RASAL1: variants seen among roughly 807,000 people sequenced by gnomAD.
RASAL1 encodes RAS protein activator like 1.
RASAL1 carries 72 observed loss-of-function variants against 96.6 expected under a neutral mutation model. The ratio of observed to expected loss-of-function variants is 0.75; its 90% CI spans 0.62 to 0.91. The LOEUF (loss-of-function observed/expected upper bound fraction) is 0.91, where lower values mean the gene tolerates loss of function less well. RASAL1 is among the 40% of genes least tolerant of loss of function. The pLI is 0.00. For missense variants in RASAL1, 1,016 were observed against 1,072.5 expected (o/e 0.95, Z 0.74); for synonymous variants, 405 against 430.4 (o/e 0.94, Z 0.73).
At chr12:113,124,942 C>A (rs903137283) in intron 4 of RASAL1, among the ~76,000 whole-genome samples, 1 of 152,000 alleles carries the variant, frequency 6.6e-6, no homozygotes. Flanking sequence ...CCAAATAGAT[C>A]AAAGACTTAA....
chr12:113,109,719 AC>A (rs1402111022), intron 13 of RASAL1, among the ~76,000 whole-genome samples: 5 of 152,028 alleles, frequency 3.3e-5, no homozygotes, highest in African/African-American at 1.2e-4. Context: ...CTTGGCAGTG[AC>A]CCCTGTAGGA....
At chr12:113,103,788 A>T (rs1444845988) in intron 18 of RASAL1, 158 bp downstream of exon 18, 5 of 928,122 alleles carry the variant, frequency 5.4e-6, no homozygotes, top group Non-Finnish European at 6.7e-6. Context: ...TCCACGAGAT[A>T]GGCACTGTTA....
chr12:113,117,572 G>T (rs1198098874), intron 7 of RASAL1, among the ~76,000 whole-genome samples: 2 of 152,170 alleles, frequency 1.3e-5, no homozygotes, highest in Non-Finnish European at 2.9e-5. Flanking sequence ...ACTTTATAGA[G>T]ACGTAATTCA....
intron 14 of RASAL1, 56 bp from the exon 15 acceptor site, chr12:113,107,297 C>A: frequency 6.7e-7 from 1 of 1,496,420 alleles, no homozygotes. Flanking sequence ...GGGTAGGGCC[C>A]CTCCTGGCTC....
At chr12:113,103,890 AC>A in intron 18 of RASAL1, 55 bp downstream of exon 18, 13 of 1,539,978 alleles carry the variant, frequency 8.4e-6, no homozygotes, top group Non-Finnish European at 1.1e-5. Flanking sequence ...GAAGTGGGAC[AC>A]CCGCTGATTG....
chr12:113,107,936 T>G, intron 14 of RASAL1, 149 bp downstream of exon 14: 1 of 887,170 alleles, frequency 1.1e-6, no homozygotes, highest in Non-Finnish European at 1.6e-6. Context: ...CCTTCACCCT[T>G]GGGATGGAAT....
intron 7 of RASAL1, among the ~76,000 whole-genome samples, chr12:113,118,905 C>T (rs759657276): frequency 4.6e-5 from 7 of 152,254 alleles, no homozygotes; most frequent in East Asian, 3.9e-4. Flanking sequence ...AATCTGGGCC[C>T]GTCCTGTGAT....
chr12:113,121,172 A>G (rs1348831137), intron 5 of RASAL1, among the ~76,000 whole-genome samples: 1 of 152,214 alleles, frequency 6.6e-6, no homozygotes, highest in Non-Finnish European at 1.5e-5. Context: ...GCTACATGTC[A>G]GTCATATAAG....
In RASAL1 at chr12:113,115,306, T is replaced by C. The variant is rs1232948463; in HGVS notation, c.1004-42A>G. ...AAGTGTTTGCTGGGATTTAGGGAGC[T>C]GAACCCAGCTCACCCCACTCACCCA... On this transcript the variant is annotated intron_variant, in intron 10 of 20. Transcript: ENST00000548055. This position sits in a 1 kb window ranked among gnomAD's most constrained non-coding sequence, Gnocchi z 4.1. The C allele has an allele frequency of 6.4e-7, 1 of 1,556,116 alleles. No homozygotes were observed. The highest frequency in any genetic ancestry group is 8.9e-7 in the Non-Finnish European group (1 of 1,127,500).
chr12:113,116,305 G>A (rs911148227), intron 8 of RASAL1, among the ~76,000 whole-genome samples: 3 of 152,026 alleles, frequency 2.0e-5, no homozygotes, highest in Non-Finnish European at 2.9e-5. Context: ...GGCAGGCAGA[G>A]GTTAAGATTG....
In RASAL1 at chr12:113,135,381, GC is replaced by G. The variant is rs1484143962; in HGVS notation, c.65+16del. On this transcript the variant is annotated intron_variant, in intron 1 of 20. Coordinates refer to ENST00000548055, the MANE Select transcript of RASAL1 (RefSeq NM_001301202.2). This position sits in a 1 kb window ranked among gnomAD's most constrained non-coding sequence, Gnocchi z 5.7. Reference sequence around the variant, plus strand: ...CCTTGCGCGCCCCTCACCCAGAAGCGCCCGAGGAGTACTCACACGTCCTTGG... The same window carrying G: ...CCTTGCGCGCCCCTCACCCAGAAGCGCCGAGGAGTACTCACACGTCCTTGG... 1 of 1,602,772 alleles carries G rather than the reference GC, an allele frequency of 6.2e-7. No homozygotes were observed. The highest frequency in any genetic ancestry group is 2.3e-5 in the East Asian group (1 of 44,100).
In RASAL1 at chr12:113,107,185, CCA is replaced by C. The variant is rs1430631761; in HGVS notation, c.1567_1568del (p.Trp523AspfsTer29). ...GQQLGQGKEL[W>X]MAPLHPFLLQ... is the part of the protein sequence containing the mutation. ...GCAGGAAGGGGTGCAGGGGGGCCAT[CCA>C]CAGTTCCTTGCCTTGGCCCAGCTGC... is the stretch of plus-strand genomic sequence containing the variant. On this transcript the variant is annotated frameshift_variant, in exon 15 of 21. Coordinates refer to ENST00000548055, the MANE Select transcript of RASAL1 (RefSeq NM_001301202.2). LOFTEE classifies it high-confidence loss of function. 1.9e-6 allele frequency: 3 copies of C among 1,613,790 alleles called. No individual in the cohort carries two copies. Among genetic ancestry groups the C allele is most frequent in the Non-Finnish European group, 2.5e-6 (3 of 1,179,794 alleles).
In RASAL1 at chr12:113,130,931, T is replaced by C. The variant is rs754631754; in HGVS notation, c.76A>G (p.Ser26Gly). Residue 26 changes from serine (S) to glycine (G), a missense_variant, in exon 2 of 21, where the codon AGC becomes GGC. By Grantham distance (56) the Ser-to-Gly change is moderately conservative. Transcript: ENST00000548055. The surrounding 1 kb of genome is among the most constrained non-coding windows in gnomAD (Gnocchi z 5.1). ...ACTTTCACTAGGCAGTAGGGGTCGCTGCTCCCAGACCTGCAGAAGGAGGGA... is the reference window on the plus strand; with the variant it reads ...ACTTTCACTAGGCAGTAGGGGTCGCCGCTCCCAGACCTGCAGAAGGAGGGA... ...ALPAKDVSGS[S>G]DPYCLVKVDD... 1 of 1,613,490 alleles carries C rather than the reference T, an allele frequency of 6.2e-7. No individual in the cohort carries two copies. Among genetic ancestry groups the C allele is most frequent in the African/African-American group, 1.3e-5 (1 of 75,002 alleles).
intron 18 of RASAL1, chr12:113,103,189 ATATATATTT>A (rs1950513231): frequency 1.3e-5 from 2 of 150,892 alleles, no homozygotes. Context: ...ATATTATTTT[ATATATATTT>A]TATATATATT....
At chr12:113,113,232 G>A (rs547935025) in intron 12 of RASAL1, among the ~76,000 whole-genome samples, 4 of 152,326 alleles carry the variant, frequency 2.6e-5, no homozygotes, top group Non-Finnish European at 4.4e-5. Flanking sequence ...TGGACCCAAC[G>A]TGCTGAGCCC....
intron 2 of RASAL1, 122 bp from the exon 3 acceptor site, chr12:113,128,300 A>C: frequency 1.5e-6 from 1 of 647,270 alleles, no homozygotes; most frequent in Non-Finnish European, 2.7e-6. Flanking sequence ...AGACACACAC[A>C]CACTCAGAGA....
intron 1 of RASAL1, among the ~76,000 whole-genome samples, chr12:113,134,948 G>A (rs747454061): frequency 3.9e-5 from 6 of 152,104 alleles, no homozygotes; most frequent in Non-Finnish European, 7.4e-5. Flanking sequence ...GGATGTTAGG[G>A]CTCATCTGAT....
chr12:113,136,618 T>G (rs781649908), upstream of RASAL1, among the ~76,000 whole-genome samples: 6 of 152,248 alleles, frequency 3.9e-5, no homozygotes, highest in African/African-American at 7.2e-5. Context: ...CCATTCAACC[T>G]CTCTGTGCTT....
At chr12:113,127,027 T>C (rs1433784995) in intron 4 of RASAL1, among the ~76,000 whole-genome samples, 2 of 136,884 alleles carry the variant, frequency 1.5e-5, no homozygotes, top group Non-Finnish European at 3.0e-5. Context: ...ATATATACAG[T>C]ATATAAATGT....
Sources: gnomAD v4.1 joint callset for allele counts (sites outside exome capture counted in the v4.1 genomes callset) on GRCh38, gnomAD v4.1.1 for gene constraint, Gnocchi (gnomAD v3.1) non-coding constraint, MANE v1.5 for transcripts, NCBI Gene and HGNC (gene_info 2026-07-23, HGNC 2026-07-21) for gene names.